The following CUX2 variants were observed in gnomAD, a reference collection of about 807,000 sequenced individuals.
CUX2 encodes the protein cut like homeobox 2.
In CUX2, 40 loss-of-function variants were observed where a neutral mutation model predicts 144.8. That is an observed-to-expected ratio of 0.28 (90% CI 0.21 to 0.36). The LOEUF is 0.36. Ranked by LOEUF, CUX2 falls within the 10% of genes least tolerant of loss-of-function variation. The pLI is 1.00. For missense variants in CUX2, 1,615 were observed against 1,994.0 expected (o/e 0.81, Z 3.62); for synonymous variants, 827 against 875.6 (o/e 0.94, Z 0.98).
At chr12:111,282,139 GT>G (rs1885141376) in intron 4 of CUX2, among the ~76,000 whole-genome samples, 1 of 151,868 alleles carries the variant, frequency 6.6e-6, no homozygotes, top group African/African-American at 2.4e-5. Context: ...GGCTAACACG[GT>G]GAAACCCCGT....
intron 1 of CUX2, among the ~76,000 whole-genome samples, chr12:111,040,832 A>C (rs1305200411): frequency 6.6e-6 from 1 of 152,150 alleles, no homozygotes; most frequent in East Asian, 1.9e-4. Context: ...ATGAGAATGA[A>C]TGGACGTGGC....
At chr12:111,257,707 T>C (rs1201627624) in intron 3 of CUX2, among the ~76,000 whole-genome samples, 1 of 135,204 alleles carries the variant, frequency 7.4e-6, no homozygotes, top group Non-Finnish European at 1.6e-5. Flanking sequence ...TTCCTCCTCA[T>C]TCTCCATCTT....
At chr12:111,054,772 G>C (rs891197315) in intron 1 of CUX2, among the ~76,000 whole-genome samples, 1 of 152,046 alleles carries the variant, frequency 6.6e-6, no homozygotes, top group African/African-American at 2.4e-5. Flanking sequence ...GATTACAGGC[G>C]CACACCACCA....
intron 4 of CUX2, among the ~76,000 whole-genome samples, chr12:111,282,402 A>G (rs147184373): frequency 0.056 from 8,497 of 151,624 alleles, 463 homozygotes; most frequent in African/African-American, 0.13. Context: ...CAAGGCAGGC[A>G]GATTGCCTGA....
chr12:111,176,039 C>CTTTTTT (rs1172563784), intron 1 of CUX2, among the ~76,000 whole-genome samples: 186 of 70,126 alleles, frequency 2.7e-3, no homozygotes, highest in Non-Finnish European at 3.5e-3. Context: ...TCTTCTTCTT[C>CTTTTTT]TTTTTTTTTT....
intron 1 of CUX2, among the ~76,000 whole-genome samples, chr12:111,098,816 G>A (rs1286639445): frequency 3.3e-5 from 5 of 152,234 alleles, no homozygotes; most frequent in South Asian, 2.1e-4. Flanking sequence ...ACTTGGCCTC[G>A]GCTGGCACAA....
At chr12:111,314,111 C>A (rs1887051493) in intron 16 of CUX2, among the ~76,000 whole-genome samples, 1 of 152,206 alleles carries the variant, frequency 6.6e-6, no homozygotes, top group South Asian at 2.1e-4. Flanking sequence ...TCCCCTGAGC[C>A]TAATTTCCCT....
At position 111,142,529 on chromosome 12, in the gene CUX2, GAA is replaced by G. The variant is rs200266878; in HGVS notation, c.64-71654_64-71653del. On this transcript the variant is annotated intron_variant, in intron 1 of 21. Transcript: ENST00000261726. The stretch of plus-strand genomic sequence containing the variant: ...TGGCCAGACTGATTTGTCAGGGAAG[GAA>G]AAAAAAAAAAAAAAAACAGAAATGG... Among the ~76,000 whole-genome samples, 1,046 of 107,182 alleles carry G rather than the reference GAA, an allele frequency of 9.8e-3. 12 individuals carry two copies. Among genetic ancestry groups the G allele is most frequent in the African/African-American group, 0.028 (962 of 34,412 alleles). The allele number at this position is 107,182 out of a possible 152,430, so 70.3% of individuals were successfully genotyped here.
Position 111,310,682 on chromosome 12 carries a change from G to T in CUX2, c.1900G>T (p.Gly634Cys). The T allele has an allele frequency of 6.3e-7, 1 of 1,581,692 alleles. No homozygotes were observed. The highest frequency in any genetic ancestry group is 1.1e-5 in the South Asian group (1 of 88,202). ...CAGGACCATCCAAGTGCGGCAGCGA[G>T]GTGAGTGCCCAAGAGGGCCCGTCCC... The part of the protein sequence containing the change: ...ALRTIQVRQR[G>C]SITPRIRTPE... Residue 634 changes from glycine to cysteine, a missense_variant and splice_region_variant, in exon 15 of 22, where the codon GGC becomes TGC. Physicochemically the swap from Gly to Cys is radical, Grantham distance 159 (BLOSUM62 -3). Transcript: ENST00000261726. This position sits in a 1 kb window ranked among gnomAD's most constrained non-coding sequence, Gnocchi z 7.9.
intron 21 of CUX2, among the ~76,000 whole-genome samples, chr12:111,343,125 A>G (rs1001773128): frequency 1.3e-5 from 2 of 152,120 alleles, no homozygotes. Flanking sequence ...CTGACTATTC[A>G]TTGAGCCTCA....
rs184298588 is a variant in CUX2 at position 111,209,558 on chromosome 12, G to C, written c.64-4642G>C. Among the ~76,000 whole-genome samples, 262 of 152,256 alleles carry C rather than the reference G, an allele frequency of 1.7e-3. 2 individuals are homozygous for C. The highest frequency in any genetic ancestry group is 5.6e-4 in the Non-Finnish European group (38 of 68,004). ...AAAATTCACACAGAGGGACATGAGT[G>C]GTCAAAGTTTGGACAGCAGTGACCT... On this transcript the variant is annotated intron_variant, in intron 1 of 21. Transcript: ENST00000261726.
chr12:111,162,034 A>C (rs11613181), intron 1 of CUX2, among the ~76,000 whole-genome samples: 36,732 of 152,024 alleles, frequency 0.24, 6,026 homozygotes, highest in East Asian at 0.54. Flanking sequence ...CCGCACCTGG[A>C]CAGGATGTCA....
intron 20 of CUX2, among the ~76,000 whole-genome samples, chr12:111,338,908 G>T (rs1592985972): frequency 1.3e-5 from 2 of 151,958 alleles, no homozygotes; most frequent in East Asian, 3.9e-4. Flanking sequence ...TTTTAAAAAA[G>T]TTGGTAAATA....
At chr12:111,121,370 T>TTTTTTTTTTTTTTTTTTTTTTTTTC (rs1874665221) in intron 1 of CUX2, among the ~76,000 whole-genome samples, 1 of 4,610 alleles carries the variant, frequency 2.2e-4, no homozygotes, top group African/African-American at 3.5e-4. Flanking sequence ...TTCTTTTTTC[T>TTTTTTTTTTTTTTTTTTTTTTTTTC]TTTTTTTTTT....
At position 111,320,311 on chromosome 12, in the gene CUX2, G is replaced by A. The variant is rs202122088; in HGVS notation, c.2302G>A (p.Val768Met). The stretch of plus-strand genomic sequence containing the variant: ...CCCGGTCCTGTCCCCCGCCGCCTTC[G>A]TGCAGAGCATCATCCGCAAGGTCAA... Reference protein sequence around the residue: ...PLPVLSPAAFVQSIIRKVKSE... With the variant: ...PLPVLSPAAFMQSIIRKVKSE... Residue 768 changes from valine to methionine, a missense_variant, in exon 17 of 22, where the codon GTG becomes ATG. Val to Met is a conservative substitution (Grantham distance 21). This residue lies in a region of CUX2 where 390 missense variants were observed against 387.1 expected (regional missense o/e 1.01). Coordinates refer to ENST00000261726, the MANE Select transcript of CUX2 (RefSeq NM_015267.4). The surrounding 1 kb of genome is among the most constrained non-coding windows in gnomAD (Gnocchi z 8.1). 3 of 1,597,836 alleles carry A rather than the reference G, an allele frequency of 1.9e-6. No individual in the cohort carries two copies. The highest frequency in any genetic ancestry group is 1.7e-5 in the Admixed American group (1 of 59,940).
At chr12:111,291,645 G>A (rs887746812) in intron 5 of CUX2, 93 bp downstream of exon 5, 15 of 1,401,522 alleles carry the variant, frequency 1.1e-5, no homozygotes, top group Non-Finnish European at 1.4e-5. Context: ...CGGGGTGGCT[G>A]GGGCAGGGAA....
intron 1 of CUX2, among the ~76,000 whole-genome samples, chr12:111,165,225 T>C (rs1592792678): frequency 6.6e-6 from 1 of 152,098 alleles, no homozygotes; most frequent in East Asian, 1.9e-4. Flanking sequence ...AGGAAAACAT[T>C]TGGTGTTTAG....
chr12:111,326,414 T>G (rs112396988), intron 18 of CUX2, among the ~76,000 whole-genome samples: 569 of 25,832 alleles, frequency 0.022, 4 homozygotes, highest in Admixed American at 0.032. Context: ...TAGTGTTGTG[T>G]TGGGGGAGGG....
At chr12:111,297,099 C>G (rs1343321343) in intron 8 of CUX2, among the ~76,000 whole-genome samples, 1 of 151,120 alleles carries the variant, frequency 6.6e-6, no homozygotes, top group Non-Finnish European at 1.5e-5. Flanking sequence ...CTTGCCTCCT[C>G]CCTCTGACCC....
Sources: allele counts gnomAD v4.1 joint callset (sites outside exome capture counted in the v4.1 genomes callset), GRCh38; gene constraint gnomAD v4.1.1; regional missense constraint gnomAD v4.1.1; non-coding constraint Gnocchi (gnomAD v3.1); transcripts MANE v1.5; gene names NCBI Gene and HGNC (gene_info 2026-07-23, HGNC 2026-07-21).